The following MCTP1 variants were observed in gnomAD, a reference collection of about 807,000 sequenced individuals.
MCTP1 encodes multiple C2 and transmembrane domain containing 1, also known as multiple C2 and transmembrane domain-containing protein 1.
A neutral mutation model predicts 120.6 loss-of-function variants in MCTP1; 69 were observed. The observed-to-expected ratio is 0.57, with a 90% CI of 0.47 to 0.70. The LOEUF is 0.70. Among genes scored for constraint, MCTP1 ranks in the 30% least tolerant of loss-of-function variants. MCTP1 has a pLI of 0.00. For missense variants in MCTP1, 1,203 were observed against 1,248.8 expected (o/e 0.96, Z 0.55); for synonymous variants, 529 against 493.1 (o/e 1.07, Z -0.96).
intron 1 of MCTP1, among the ~76,000 whole-genome samples, chr5:95,120,039 T>G (rs1758097782): frequency 6.6e-6 from 1 of 151,744 alleles, no homozygotes; most frequent in African/African-American, 2.4e-5. Flanking sequence ...TAGCCGGGCA[T>G]GGTGGCGGGT....
chr5:94,883,233 A>G (rs1800512202), intron 12 of MCTP1, among the ~76,000 whole-genome samples: 1 of 152,208 alleles, frequency 6.6e-6, no homozygotes, highest in South Asian at 2.1e-4. Flanking sequence ...TAAACCAGGT[A>G]TATTACCGTG....
chr5:94,784,155 A>G (rs1398654097), intron 18 of MCTP1, among the ~76,000 whole-genome samples: 1 of 152,106 alleles, frequency 6.6e-6, no homozygotes, highest in Non-Finnish European at 1.5e-5. Flanking sequence ...CCAAACTTGT[A>G]CAGATGCTTA....
At chr5:94,738,928 C>T (rs1222324150) in intron 19 of MCTP1, among the ~76,000 whole-genome samples, 2 of 152,208 alleles carry the variant, frequency 1.3e-5, no homozygotes, top group Admixed American at 6.5e-5. Context: ...CCAGGTGTGG[C>T]TTCTGATCAC....
rs182822313 is a variant in MCTP1 at position 94,816,739 on chromosome 5, T to G, written c.2437-17607A>C. 5.3e-4 allele frequency among the ~76,000 whole-genome samples: 81 copies of G among 152,224 alleles called. 1 individual carries two copies. The highest frequency in any genetic ancestry group is 1.8e-3 in the African/African-American group (73 of 41,544). On this transcript the variant is annotated intron_variant, in intron 17 of 22. Coordinates refer to ENST00000515393, the MANE Select transcript of MCTP1 (RefSeq NM_024717.7). ...ATCATTTTTAATCTCTACTTCACAA[T>G]CTTATTTCCAAAAATAAGGTGGTAA...
At chr5:94,755,735 T>A (rs1210295287) in intron 19 of MCTP1, among the ~76,000 whole-genome samples, 1 of 152,194 alleles carries the variant, frequency 6.6e-6, no homozygotes. Context: ...TTTAAATAGA[T>A]GCATTCTCCA....
At chr5:94,895,921 C>T (rs75529135) in intron 10 of MCTP1, among the ~76,000 whole-genome samples, 2,519 of 152,236 alleles carry the variant, frequency 0.017, 69 homozygotes, top group African/African-American at 0.058. Context: ...AAACAATAAG[C>T]AATGCCCTGG....
At chr5:94,961,955 A>T (rs1824336108) in intron 2 of MCTP1, among the ~76,000 whole-genome samples, 2 of 152,106 alleles carry the variant, frequency 1.3e-5, no homozygotes, top group Non-Finnish European at 2.9e-5. Context: ...CCTTTGCCAG[A>T]TATATAAATT....
At chr5:95,013,017 G>T (rs2153660436) in intron 2 of MCTP1, among the ~76,000 whole-genome samples, 1 of 152,272 alleles carries the variant, frequency 6.6e-6, no homozygotes, top group African/African-American at 2.4e-5. Flanking sequence ...CAAAGGAAAA[G>T]ATCTAGAAGG....
Position 95,284,357 on chromosome 5 carries a change from AC to A in MCTP1, c.218del (p.Gly73ValfsTer61), listed in dbSNP as rs1458849027. On this transcript the variant is annotated frameshift_variant, in exon 1 of 23. Coordinates refer to ENST00000515393, the MANE Select transcript of MCTP1 (RefSeq NM_024717.7). LOFTEE classifies it high-confidence loss of function. This position sits in a 1 kb window ranked among gnomAD's most constrained non-coding sequence, Gnocchi z 5.2. Reference protein sequence around the residue: ...GTGNAPARGSGAGSRWSGFKK... With the variant: ...GTGNAPARGSXAGSRWSGFKK... ...TGAAGCCGCTCCACCTGCTGCCTGC[AC>A]CACTCCCCCTGGCCGGTGCATTCCC... The A allele has an allele frequency of 1.8e-5, 28 of 1,596,420 alleles. No homozygotes were observed. Among genetic ancestry groups the A allele is most frequent in the Non-Finnish European group, 2.4e-5 (28 of 1,179,204 alleles).
At chr5:95,019,491 T>C (rs1300326231) in intron 1 of MCTP1, among the ~76,000 whole-genome samples, 1 of 152,046 alleles carries the variant, frequency 6.6e-6, no homozygotes, top group Non-Finnish European at 1.5e-5. Context: ...AGTGTAGGAA[T>C]AGCATAATTT....
intron 1 of MCTP1, among the ~76,000 whole-genome samples, chr5:95,281,470 C>G (rs948970227): frequency 1.3e-5 from 2 of 152,138 alleles, no homozygotes; most frequent in African/African-American, 4.8e-5. Context: ...TTATTTGTGA[C>G]TCATTACAGA....
chr5:95,279,926 A>G (rs1007261828), intron 1 of MCTP1, among the ~76,000 whole-genome samples: 3 of 152,224 alleles, frequency 2.0e-5, no homozygotes, highest in Admixed American at 6.5e-5. Context: ...TAAAGCTACT[A>G]ACATTGTTTT....
At chr5:94,912,738 TA>T in intron 9 of MCTP1, 67 bp downstream of exon 9, 1 of 1,303,280 alleles carries the variant, frequency 7.7e-7, no homozygotes. Context: ...TTTCATCTCC[TA>T]AAGCAGGGCT....
At chr5:95,077,105 T>A (rs1753762886) in intron 1 of MCTP1, among the ~76,000 whole-genome samples, 1 of 152,174 alleles carries the variant, frequency 6.6e-6, no homozygotes, top group African/African-American at 2.4e-5. Flanking sequence ...CCCAGACTCT[T>A]AGTTTGAGTT....
chr5:94,910,218 G>A (rs562332353), intron 9 of MCTP1, among the ~76,000 whole-genome samples: 11 of 150,884 alleles, frequency 7.3e-5, no homozygotes, highest in Non-Finnish European at 1.3e-4. Context: ...ACATATATGT[G>A]TATACATATA....
intron 1 of MCTP1, among the ~76,000 whole-genome samples, chr5:95,090,240 G>A (rs897345459): frequency 1.3e-5 from 2 of 152,112 alleles, no homozygotes; most frequent in Admixed American, 6.5e-5. Flanking sequence ...ATCACTTAAC[G>A]TTGAGGTGAG....
chr5:94,917,062 A>T (rs1810263416), intron 8 of MCTP1, among the ~76,000 whole-genome samples: 1 of 152,210 alleles, frequency 6.6e-6, no homozygotes, highest in African/African-American at 2.4e-5. Flanking sequence ...TTAAAAAGAG[A>T]AGTAGGACCC....
chr5:95,039,749 G>C (rs1054566365), intron 1 of MCTP1, among the ~76,000 whole-genome samples: 1 of 152,018 alleles, frequency 6.6e-6, no homozygotes, highest in Non-Finnish European at 1.5e-5. Flanking sequence ...AAAAGTTGAC[G>C]TAGGAGCTAA....
At chr5:94,807,192 C>T (rs1438513791) in intron 17 of MCTP1, among the ~76,000 whole-genome samples, 1 of 152,066 alleles carries the variant, frequency 6.6e-6, no homozygotes, top group African/African-American at 2.4e-5. Flanking sequence ...TAACAGAGAA[C>T]ATTTGGTATG....
Sources: allele counts gnomAD v4.1 joint callset (sites outside exome capture counted in the v4.1 genomes callset), GRCh38; gene constraint gnomAD v4.1.1; non-coding constraint Gnocchi (gnomAD v3.1); transcripts MANE v1.5; gene names NCBI Gene and HGNC (gene_info 2026-07-23, HGNC 2026-07-21).